ERC2: variants seen among roughly 807,000 people sequenced by gnomAD.
The protein encoded by ERC2 is ELKS/RAB6-interacting/CAST family member 2.
In ERC2, 42 loss-of-function variants were observed where a neutral mutation model predicts 114.8. The observed-to-expected ratio is 0.37, with a 90% CI of 0.29 to 0.47. The LOEUF (loss-of-function observed/expected upper bound fraction) is 0.47, where lower values mean the gene tolerates loss of function less well. ERC2 is among the 20% of genes least tolerant of loss of function. The pLI is 0.99. For missense variants in ERC2, 939 were observed against 1,150.7 expected, an observed-to-expected ratio of 0.82 and a Z score of 2.66; for synonymous variants, 454 against 425.5, an observed-to-expected ratio of 1.07 and a Z score of -0.82.
At chr3:55,736,695 T>C (rs1349435341) in intron 14 of ERC2, among the ~76,000 whole-genome samples, 1 of 152,158 alleles carries the variant, frequency 6.6e-6, no homozygotes, top group East Asian at 1.9e-4. Flanking sequence ...TTTTACTTTT[T>C]ACAGACTTTT....
chr3:56,430,318 A>G (rs1211859372), intron 2 of ERC2, among the ~76,000 whole-genome samples: 1 of 152,196 alleles, frequency 6.6e-6, no homozygotes, highest in Non-Finnish European at 1.5e-5. Flanking sequence ...AAATTAAGTT[A>G]TGGTAAATGG....
Position 56,067,674 on chromosome 3 carries a change from G to T in ERC2, c.1641+13143C>A, listed in dbSNP as rs181539989. On this transcript the variant is annotated intron_variant, in intron 7 of 17. Coordinates refer to ENST00000288221, the MANE Select transcript of ERC2 (RefSeq NM_015576.3). ...TGCCGATTCATGATATTGGCTGTGGGTTTATCATAAATAGCTCTTATTATT... is the reference window on the plus strand; with the variant it reads ...TGCCGATTCATGATATTGGCTGTGGTTTTATCATAAATAGCTCTTATTATT... Among the ~76,000 whole-genome samples the T allele has an allele frequency of 1.8e-3, 274 of 152,242 alleles. 1 individual carries two copies. The highest frequency in any genetic ancestry group is 6.3e-3 in the African/African-American group (263 of 41,528).
At chr3:56,349,640 C>G (rs1189636927) in intron 2 of ERC2, among the ~76,000 whole-genome samples, 1 of 152,220 alleles carries the variant, frequency 6.6e-6, no homozygotes, top group East Asian at 1.9e-4. Context: ...AGGCGCGTGG[C>G]TCACGCCTGT....
intron 3 of ERC2, among the ~76,000 whole-genome samples, chr3:56,294,758 G>T (rs2055319289): frequency 6.6e-6 from 1 of 152,180 alleles, no homozygotes; most frequent in African/African-American, 2.4e-5. Context: ...AAGGAGTAGG[G>T]ATTATTGGAG....
chr3:55,865,723 G>A (rs2062279861), intron 14 of ERC2, among the ~76,000 whole-genome samples: 1 of 151,972 alleles, frequency 6.6e-6, no homozygotes, highest in African/African-American at 2.4e-5. Flanking sequence ...CTTTTTGACT[G>A]GCTTCTTTCA....
At chr3:55,576,589 C>T (rs1212832924) in intron 17 of ERC2, among the ~76,000 whole-genome samples, 10 of 152,340 alleles carry the variant, frequency 6.6e-5, no homozygotes, top group African/African-American at 2.4e-4. Flanking sequence ...CTTCTCATCC[C>T]AATTTCCAGA....
chr3:55,855,025 T>C (rs2061731518), intron 14 of ERC2, among the ~76,000 whole-genome samples: 1 of 152,220 alleles, frequency 6.6e-6, no homozygotes, highest in Admixed American at 6.5e-5. Context: ...CCATTATCCA[T>C]GGCAGCCCAG....
At chr3:55,907,316 G>C (rs997722962) in intron 13 of ERC2, among the ~76,000 whole-genome samples, 55 of 152,166 alleles carry the variant, frequency 3.6e-4, no homozygotes, top group African/African-American at 1.2e-3. Context: ...GTATGTCTTT[G>C]GCCAAGGTAG....
At chr3:55,955,016 G>T (rs2067841130) in intron 12 of ERC2, 1 of 396,066 alleles carries the variant, frequency 2.5e-6, no homozygotes, top group Non-Finnish European at 5.1e-6. Flanking sequence ...AAAGCCTTCA[G>T]GATATACTGT....
intron 14 of ERC2, among the ~76,000 whole-genome samples, chr3:55,775,637 G>A (rs573377326): frequency 5.7e-4 from 87 of 152,158 alleles, no homozygotes; most frequent in African/African-American, 2.0e-3. Context: ...ATAATAGACA[G>A]ACAGAGAGAG....
chr3:56,112,555 G>A (rs1048327401), intron 6 of ERC2, among the ~76,000 whole-genome samples: 2 of 151,908 alleles, frequency 1.3e-5, no homozygotes, highest in Non-Finnish European at 2.9e-5. Flanking sequence ...TTTAAGGAGA[G>A]TATCACATTA....
At chr3:56,347,460 T>C (rs753513382) in intron 2 of ERC2, among the ~76,000 whole-genome samples, 16 of 152,028 alleles carry the variant, frequency 1.1e-4, no homozygotes, top group Non-Finnish European at 2.2e-4. Context: ...CTGATTCCTA[T>C]TGGCTTCCTG....
intron 2 of ERC2, among the ~76,000 whole-genome samples, chr3:56,359,146 T>G (rs1234746471): frequency 6.6e-6 from 1 of 152,226 alleles, no homozygotes; most frequent in African/African-American, 2.4e-5. Context: ...CACAATATCA[T>G]CATGCCTCAT....
intron 14 of ERC2, among the ~76,000 whole-genome samples, chr3:55,795,259 T>C (rs892038080): frequency 3.3e-5 from 5 of 152,194 alleles, no homozygotes; most frequent in African/African-American, 1.2e-4. Context: ...CTCTGCATCC[T>C]GGATGGTACA....
intron 14 of ERC2, among the ~76,000 whole-genome samples, chr3:55,885,962 C>G (rs1455334169): frequency 6.6e-6 from 1 of 152,206 alleles, no homozygotes; most frequent in Admixed American, 6.5e-5. Flanking sequence ...TTCACCATTA[C>G]TTGTTCTCTC....
At chr3:55,788,434 C>A (rs553164133) in intron 14 of ERC2, among the ~76,000 whole-genome samples, 1 of 152,188 alleles carries the variant, frequency 6.6e-6, no homozygotes, top group African/African-American at 2.4e-5. Flanking sequence ...AATGGGAGGA[C>A]AACAGGCAAT....
chr3:56,335,534 C>T (rs747834839), intron 2 of ERC2, among the ~76,000 whole-genome samples: 6 of 152,106 alleles, frequency 3.9e-5, no homozygotes, highest in Non-Finnish European at 7.3e-5. Flanking sequence ...GAACATTTTG[C>T]CTAAGCATTA....
At position 55,757,390 on chromosome 3, in the gene ERC2, G is replaced by A. The variant is rs528472874; in HGVS notation, c.2565-22472C>T. ...TCTCTATCTCAAATTTTTAGGTGAGGAGGTGAGTATTGGCAATATGATTTG... is the reference window on the plus strand; with the variant it reads ...TCTCTATCTCAAATTTTTAGGTGAGAAGGTGAGTATTGGCAATATGATTTG... On this transcript the variant is annotated intron_variant, in intron 14 of 17. Coordinates refer to ENST00000288221, the MANE Select transcript of ERC2 (RefSeq NM_015576.3). Among the ~76,000 whole-genome samples, 13 of 152,284 alleles carry A rather than the reference G, an allele frequency of 8.5e-5. No homozygotes were observed. The South Asian group carries it at 1.7e-3, about 19-fold the overall frequency.
chr3:56,387,563 C>T (rs7615409), intron 2 of ERC2, among the ~76,000 whole-genome samples: 50,912 of 151,898 alleles, frequency 0.34, 8,702 homozygotes, highest in African/African-American at 0.38. Context: ...AGATGCAGGA[C>T]AATATTCGTT....
Sources: gnomAD v4.1 joint callset for allele counts (sites outside exome capture counted in the v4.1 genomes callset) on GRCh38, gnomAD v4.1.1 for gene constraint, MANE v1.5 for transcripts, NCBI Gene and HGNC (gene_info 2026-07-23, HGNC 2026-07-21) for gene names.